Variants in FGD4 observed in about 807,000 individuals in gnomAD.
FGD4 encodes FYVE, RhoGEF and PH domain containing 4, also known as FYVE, RhoGEF and PH domain-containing protein 4.
A neutral mutation model predicts 102.0 loss-of-function variants in FGD4; 42 were observed. The observed-to-expected ratio is 0.41, with a 90% confidence interval of 0.32 to 0.53. The LOEUF is 0.53. Among genes scored for constraint, FGD4 ranks in the 20% least tolerant of loss-of-function variants. The pLI is 0.21. For synonymous variants in FGD4, 380 were observed against 375.7 expected, an observed-to-expected ratio of 1.01 and a Z score of -0.13; for missense variants, 902 against 1,078.2, an observed-to-expected ratio of 0.84 and a Z score of 2.29.
At position 32,399,644 on chromosome 12, in the gene FGD4, G is replaced by A. The variant is rs1040686964; in HGVS notation, c.-150G>A. 3 of 1,412,016 alleles carry A rather than the reference G, an allele frequency of 2.1e-6. No homozygotes were observed. The South Asian group carries it at 4.6e-5, about 22-fold the overall frequency. The allele number at this position is 1,412,016 out of a possible 1,614,324, so 87.5% of individuals were successfully genotyped here. On this transcript the variant is annotated 5_prime_UTR_variant, in exon 1 of 17. Coordinates refer to ENST00000534526, the MANE Select transcript of FGD4 (RefSeq NM_001370298.3). Reference sequence around the variant, plus strand: ...GGGAGGGAGCGTACCGGGAAGGAGAGGGAGAGGAGGCACTCGCTGAGGAGA... The same window carrying A: ...GGGAGGGAGCGTACCGGGAAGGAGAAGGAGAGGAGGCACTCGCTGAGGAGA...
chr12:32,446,451 G>T (rs948134545), intron 1 of FGD4, among the ~76,000 whole-genome samples: 5 of 152,078 alleles, frequency 3.3e-5, no homozygotes, highest in African/African-American at 1.2e-4. Flanking sequence ...CAGTACACAC[G>T]GTCGAGGGGT....
At chr12:32,433,022 G>A (rs1286542522) in intron 1 of FGD4, among the ~76,000 whole-genome samples, 3 of 151,380 alleles carry the variant, frequency 2.0e-5, no homozygotes, top group Non-Finnish European at 4.4e-5. Flanking sequence ...TTTGAGACAA[G>A]GTCTCACTCT....
intron 1 of FGD4, among the ~76,000 whole-genome samples, chr12:32,508,866 T>C (rs1406418485): frequency 6.6e-6 from 1 of 152,242 alleles, no homozygotes; most frequent in African/African-American, 2.4e-5. Flanking sequence ...ACATGAGCAT[T>C]GGGTCAGATT....
At chr12:32,437,896 A>T (rs1198525054) in intron 1 of FGD4, among the ~76,000 whole-genome samples, 1 of 152,132 alleles carries the variant, frequency 6.6e-6, no homozygotes, top group Non-Finnish European at 1.5e-5. Context: ...CTATGCAGGA[A>T]TGGATCTTTT....
At chr12:32,554,441 A>C (rs1943937248) in intron 1 of FGD4, among the ~76,000 whole-genome samples, 1 of 152,218 alleles carries the variant, frequency 6.6e-6, no homozygotes. Context: ...CAAACAGAGA[A>C]AGTTGCCCAA....
At chr12:32,529,023 C>G (rs998946097) in intron 1 of FGD4, among the ~76,000 whole-genome samples, 1 of 152,092 alleles carries the variant, frequency 6.6e-6, no homozygotes, top group African/African-American at 2.4e-5. Context: ...TGGCTTGGTA[C>G]AAAAATATTC....
chr12:32,598,642 C>G, intron 5 of FGD4, 56 bp downstream of exon 5: 1 of 1,406,440 alleles, frequency 7.1e-7, no homozygotes, highest in Non-Finnish European at 1.0e-6. Context: ...ATCATTTTAA[C>G]CTAGTAATTA....
At chr12:32,534,204 C>A in intron 1 of FGD4, 1 of 822,402 alleles carries the variant, frequency 1.2e-6, no homozygotes, top group Non-Finnish European at 1.6e-6. Context: ...AGAAGTCTCT[C>A]TGTGCTCATA....
intron 1 of FGD4, among the ~76,000 whole-genome samples, chr12:32,437,953 C>T (rs1248391857): frequency 1.3e-5 from 2 of 152,116 alleles, no homozygotes; most frequent in African/African-American, 4.8e-5. Flanking sequence ...AGTGCAGTGG[C>T]GCAATCTCAG....
chr12:32,529,236 T>C (rs1941558889), intron 1 of FGD4, among the ~76,000 whole-genome samples: 1 of 152,072 alleles, frequency 6.6e-6, no homozygotes, highest in South Asian at 2.1e-4. Context: ...TGCCTCAGCC[T>C]CCCAAGTAGC....
intron 1 of FGD4, among the ~76,000 whole-genome samples, chr12:32,558,952 A>G (rs1258290203): frequency 1.3e-5 from 2 of 152,232 alleles, no homozygotes; most frequent in African/African-American, 2.4e-5. Context: ...TAGTATTTAA[A>G]TCGGATACCT....
chr12:32,582,447 G>T lies in FGD4; in HGVS notation c.991G>T (p.Asp331Tyr). The T allele has an allele frequency of 6.2e-7, 1 of 1,611,460 alleles. No homozygotes were observed. Among genetic ancestry groups the T allele is most frequent in the Non-Finnish European group, 8.5e-7 (1 of 1,180,010 alleles). Reference sequence around the variant, plus strand: ...AAGCCCTCTGGAACTGGAGCAGCTGGACCAGCACCATGAGATGAAGGTAGA... The same window carrying T: ...AAGCCCTCTGGAACTGGAGCAGCTGTACCAGCACCATGAGATGAAGGTAGA... ...GESPLELEQLDQHHEMKETNE... is the reference protein window; with the variant it reads ...GESPLELEQLYQHHEMKETNE... Residue 331 changes from aspartate (D) to tyrosine (Y), a missense_variant, in exon 4 of 17, where the codon GAC becomes TAC. Coordinates refer to ENST00000534526, the MANE Select transcript of FGD4 (RefSeq NM_001370298.3).
chr12:32,472,327 G>A (rs1035889978), intron 1 of FGD4, among the ~76,000 whole-genome samples: 2 of 152,150 alleles, frequency 1.3e-5, no homozygotes, highest in Admixed American at 6.5e-5. Context: ...TGCGTGTGGC[G>A]CTTGCGGGCC....
intron 2 of FGD4, among the ~76,000 whole-genome samples, chr12:32,572,696 A>C (rs938382324): frequency 1.3e-5 from 2 of 152,174 alleles, no homozygotes; most frequent in African/African-American, 4.8e-5. Context: ...ATTTGATAAA[A>C]TTGTAATTTC....
rs1315153720 is a variant in FGD4, at chr12:32,555,662, C to T, written c.167-8475C>T. On this transcript the variant is annotated intron_variant, in intron 1 of 16. Transcript: ENST00000534526. ...TCTCGGCTCACTGCAAGCTCCGCCTCCCGGTTTCACGCCATTCTCCTGCCT... is the reference window on the plus strand; with the variant it reads ...TCTCGGCTCACTGCAAGCTCCGCCTTCCGGTTTCACGCCATTCTCCTGCCT... Among the ~76,000 whole-genome samples the T allele has an allele frequency of 4.0e-5, 6 of 150,994 alleles. No individual in the cohort carries two copies. The East Asian group carries it at 9.8e-4, about 25-fold the overall frequency.
intron 1 of FGD4, among the ~76,000 whole-genome samples, chr12:32,537,852 G>A (rs1052764837): frequency 6.6e-6 from 1 of 152,156 alleles, no homozygotes; most frequent in Non-Finnish European, 1.5e-5. Flanking sequence ...TAGCACGCCT[G>A]TTCCTTCACC....
chr12:32,467,154 A>C (rs1334320079), intron 1 of FGD4, among the ~76,000 whole-genome samples: 2 of 152,208 alleles, frequency 1.3e-5, no homozygotes, highest in African/African-American at 4.8e-5. Flanking sequence ...TGGTGAGTTA[A>C]GAGGATGTGG....
intron 1 of FGD4, among the ~76,000 whole-genome samples, chr12:32,557,608 T>A (rs1944227125): frequency 6.6e-6 from 1 of 152,222 alleles, no homozygotes; most frequent in Non-Finnish European, 1.5e-5. Flanking sequence ...TTTCTTTAAC[T>A]CTTCATCAGA....
At position 32,433,895 on chromosome 12, in the gene FGD4, C is replaced by T. The variant is rs184400136; in HGVS notation, c.166+33936C>T. Among the ~76,000 whole-genome samples the T allele has an allele frequency of 3.6e-3, 539 of 151,646 alleles. 9 individuals carry two copies. The highest frequency in any genetic ancestry group is 0.012 in the African/African-American group (503 of 41,318). On this transcript the variant is annotated intron_variant, in intron 1 of 16. Coordinates refer to ENST00000534526, the MANE Select transcript of FGD4 (RefSeq NM_001370298.3). ...TTTTTGAGACGGAGTCTTGCTCTGT[C>T]GCCAGGCTGGAGTGCAGTGGCGTGA...
Sources: gnomAD v4.1 joint callset for allele counts (sites outside exome capture counted in the v4.1 genomes callset) on GRCh38, gnomAD v4.1.1 for gene constraint, MANE v1.5 for transcripts, NCBI Gene and HGNC (gene_info 2026-07-23, HGNC 2026-07-21) for gene names.